Variants in FAM83E observed in about 807,000 individuals in gnomAD.
FAM83E encodes the protein protein FAM83E.
FAM83E carries 29 observed loss-of-function variants against 34.3 expected under a neutral mutation model. The observed-to-expected ratio is 0.85, with a 90% CI of 0.63 to 1.15. The LOEUF (loss-of-function observed/expected upper bound fraction) is 1.15. Ranked by LOEUF, FAM83E falls within the 50% of genes most tolerant of loss-of-function variation. FAM83E has a pLI of 0.00. For synonymous variants in FAM83E, 312 were observed against 311.6 expected, an observed-to-expected ratio of 1.00 and a Z score of -0.01; for missense variants, 697 against 685.0, an observed-to-expected ratio of 1.02 and a Z score of -0.20.
chr19:48,601,141 C>G lies in FAM83E; in HGVS notation c.1405G>C (p.Ala469Pro). 1 of 1,612,746 alleles carries G rather than the reference C, an allele frequency of 6.2e-7. No homozygotes were observed. The change falls in exon 7 of 7, where the codon GCC (alanine) becomes CCC (proline). Residue 469 changes from alanine to proline, a missense_variant. Transcript: ENST00000263266. Reference protein sequence around the residue: ...EPRGVRPSDWAPRAGLGGQP With the variant: ...EPRGVRPSDWPPRAGLGGQP ...TGCCCCCCAAGTCCTGCCCGGGGGG[C>G]CCAGTCTGACGGCCTGACGCCTCTG... is the stretch of plus-strand genomic sequence containing the variant.
At chr19:48,607,552 G>C in intron 5 of FAM83E, 1 of 682,594 alleles carries the variant, frequency 1.5e-6, no homozygotes, top group Non-Finnish European at 2.5e-6. Context: ...AGGGGAGCAC[G>C]GCCCGTGGGT....
At position 48,614,632 on chromosome 19, in the gene FAM83E, A is replaced by C; in HGVS notation, c.-1255-5T>G. 1.0e-6 allele frequency: 1 copy of C among 986,176 alleles called. No individual in the cohort carries two copies. The highest frequency in any genetic ancestry group is 1.7e-5 in the African/African-American group (1 of 57,382). The allele number at this position is 986,176 out of a possible 1,614,324, so 61.1% of individuals were successfully genotyped here. A position where few individuals can be genotyped will look rare whatever the true frequency, so the allele number is the denominator to read the frequency against. On this transcript the variant is annotated splice_region_variant and splice_polypyrimidine_tract_variant and intron_variant, in intron 2 of 6. Coordinates refer to ENST00000263266, the MANE Select transcript of FAM83E (RefSeq NM_017708.4). Reference sequence around the variant, plus strand: ...CCTCCAGACCACAGCAGGGAGCTGCAAAGAGAAGAAAGGAGTCAAGGCAGG... The same window carrying C: ...CCTCCAGACCACAGCAGGGAGCTGCCAAGAGAAGAAAGGAGTCAAGGCAGG...
chr19:48,610,022 G>A, intron 4 of FAM83E, 22 bp from the exon 5 acceptor site: 3 of 1,607,452 alleles, frequency 1.9e-6, no homozygotes, highest in South Asian at 1.1e-5. Flanking sequence ...GGGAGTGGAG[G>A]GTACACCCTT....
chr19:48,609,785 TG>T, intron 5 of FAM83E, 90 bp downstream of exon 5: 3 of 1,412,232 alleles, frequency 2.1e-6, no homozygotes, highest in Non-Finnish European at 2.9e-6. Flanking sequence ...AAGAGAGGCC[TG>T]GGCAAGGGGA....
chr19:48,609,786 G>A (rs1974006951), intron 5 of FAM83E, 90 bp downstream of exon 5: 1 of 1,415,684 alleles, frequency 7.1e-7, no homozygotes, highest in African/African-American at 1.4e-5. Flanking sequence ...AGAGAGGCCT[G>A]GGCAAGGGGA....
chr19:48,611,582 C>T (rs2147648457), intron 3 of FAM83E, among the ~76,000 whole-genome samples: 1 of 152,258 alleles, frequency 6.6e-6, no homozygotes, highest in South Asian at 2.1e-4. Context: ...GTTCTCCTGC[C>T]TCAGCCTCCA....
Position 48,610,827 on chromosome 19 carries a change from G to C in FAM83E, c.486C>G (p.Asp162Glu). The stretch of plus-strand genomic sequence containing the variant: ...AAAGCAGGTCTGGGTCAGTGAAGAC[G>C]TCCATGACCACGGCCACCAGCTGGG... ...AAHKLVAVVM[D>E]VFTDPDLLLD... The change falls in exon 4 of 7, where the codon GAC (aspartate) becomes GAG (glutamate). Residue 162 changes from aspartate (D) to glutamate (E), a missense_variant. Coordinates refer to ENST00000263266, the MANE Select transcript of FAM83E (RefSeq NM_017708.4). The C allele has an allele frequency of 6.3e-7, 1 of 1,595,174 alleles. No homozygotes were observed. Among genetic ancestry groups the C allele is most frequent in the Non-Finnish European group, 8.5e-7 (1 of 1,170,970 alleles).
chr19:48,611,605 T>C (rs376517692), intron 3 of FAM83E, among the ~76,000 whole-genome samples: 1 of 150,210 alleles, frequency 6.7e-6, no homozygotes. Context: ...GTAGCTGGGA[T>C]TACAGGCACC....
chr19:48,612,961 C>T lies in FAM83E; in HGVS notation c.412G>A (p.Gly138Ser), dbSNP rs1184379599. The T allele has an allele frequency of 1.9e-6, 3 of 1,597,576 alleles. No homozygotes were observed. Among genetic ancestry groups the T allele is most frequent in the Non-Finnish European group, 2.6e-6 (3 of 1,172,508 alleles). Residue 138 changes from glycine to serine, a missense_variant, in exon 3 of 7, where the codon GGT (glycine) becomes AGT (serine). Coordinates refer to ENST00000263266, the MANE Select transcript of FAM83E (RefSeq NM_017708.4). ...ACCAGCTCCTTGAGGGGCGGCTGACCCTCTCCAGGAGGCTGGGTGTACAGC... is the reference window on the plus strand; with the variant it reads ...ACCAGCTCCTTGAGGGGCGGCTGACTCTCTCCAGGAGGCTGGGTGTACAGC... Reference protein sequence around the residue: ...AQLYTQPPGEGQPPLKELVRL... With the variant: ...AQLYTQPPGESQPPLKELVRL...
chr19:48,612,787 C>A (rs888465294), intron 3 of FAM83E, 121 bp downstream of exon 3: 27 of 1,193,798 alleles, frequency 2.3e-5, no homozygotes, highest in Non-Finnish European at 2.9e-5. Context: ...TCCTGGGTCC[C>A]AGGGGTATAG....
At chr19:48,610,947 G>A in intron 3 of FAM83E, 100 bp from the exon 4 acceptor site, 3 of 1,235,758 alleles carry the variant, frequency 2.4e-6, no homozygotes, top group Non-Finnish European at 3.4e-6. Flanking sequence ...TGGGAGTAAA[G>A]TGCTCTGGGG....
At position 48,615,032 on chromosome 19, in the gene FAM83E, C is replaced by T. The variant is rs996320400; in HGVS notation, c.-1483G>A. On this transcript the variant is annotated 5_prime_UTR_variant, in exon 1 of 7. Transcript: ENST00000263266. Reference sequence around the variant, plus strand: ...TCACCTGTTCCCAGGCAGTCTCTCCCTCCCCACAGCCCTGCCAGCCTGCAC... The same window carrying T: ...TCACCTGTTCCCAGGCAGTCTCTCCTTCCCCACAGCCCTGCCAGCCTGCAC... Among the ~76,000 whole-genome samples, 9 of 152,162 alleles carry T rather than the reference C, an allele frequency of 5.9e-5. No homozygotes were observed. Among genetic ancestry groups the T allele is most frequent in the African/African-American group, 2.2e-4 (9 of 41,450 alleles).
rs1974092135 is a variant in FAM83E at position 48,613,618 on chromosome 19, C to G, written c.-246G>C. 4 of 1,360,212 alleles carry G rather than the reference C, an allele frequency of 2.9e-6. No homozygotes were observed. Among genetic ancestry groups the G allele is most frequent in the Non-Finnish European group, 9.4e-7 (1 of 1,059,084 alleles). The allele number at this position is 1,360,212 out of a possible 1,614,324, so 84.3% of individuals were successfully genotyped here. ...TGTGTCAGGCCACTCAGATCCGCCA[C>G]CTGCCTGCACCCAGTGGCACCATGC... On this transcript the variant is annotated 5_prime_UTR_variant, in exon 3 of 7. Coordinates refer to ENST00000263266, the MANE Select transcript of FAM83E (RefSeq NM_017708.4).
At chr19:48,614,686 C>CCCCCCCACCCGCACCCAT in intron 2 of FAM83E, 22 bp downstream of exon 2, 1 of 649,652 alleles carries the variant, frequency 1.5e-6, no homozygotes, top group Non-Finnish European at 1.9e-6. Flanking sequence ...CCTCACCCAT[C>CCCCCCCACCCGCACCCAT]CCCCCCATCG....
chr19:48,606,745 C>A, intron 5 of FAM83E: 1 of 572,474 alleles, frequency 1.7e-6, no homozygotes, highest in Non-Finnish European at 3.1e-6. Flanking sequence ...ATCACTCATT[C>A]CATTCACAGA....
At position 48,613,357 on chromosome 19, in the gene FAM83E, GCTGGGAGGCCGCCAT is replaced by G; in HGVS notation, c.1_15del (p.MetAlaAlaSerGln1_?5). The G allele has an allele frequency of 6.4e-7, 1 of 1,566,724 alleles. No homozygotes were observed. The highest frequency in any genetic ancestry group is 8.6e-7 in the Non-Finnish European group (1 of 1,156,836). On this transcript the variant is annotated start_lost and inframe_deletion, in exon 3 of 7. Transcript: ENST00000263266. ...GAGTCCACTCCTTCCAGCGCCGCCAGCTGGGAGGCCGCCATCGGGGTCACTCGGGTGGGAGGACTG... is the reference window on the plus strand; with the variant it reads ...GAGTCCACTCCTTCCAGCGCCGCCAGCGGGGTCACTCGGGTGGGAGGACTG...
At chr19:48,609,346 C>T (rs1271544554) in intron 5 of FAM83E, among the ~76,000 whole-genome samples, 7 of 139,436 alleles carry the variant, frequency 5.0e-5, no homozygotes, top group African/African-American at 1.6e-4. Flanking sequence ...AGCGCGATCT[C>T]GGCTCACTGC....
In FAM83E at chr19:48,603,015, C is replaced by A. The variant is rs184401732; in HGVS notation, c.1176+479G>T. On this transcript the variant is annotated intron_variant, in intron 6 of 6. Coordinates refer to ENST00000263266, the MANE Select transcript of FAM83E (RefSeq NM_017708.4). ...TACAGGTGTGCACCAACACACCCAG[C>A]GAATTTTTTTGTATTTTTAGTAGAG... Among the ~76,000 whole-genome samples, 658 of 151,136 alleles carry A rather than the reference C, an allele frequency of 4.4e-3. 8 individuals carry two copies. Among genetic ancestry groups the A allele is most frequent in the African/African-American group, 0.015 (609 of 41,114 alleles).
At chr19:48,610,567 CCATCCCTGCTAG>C in intron 4 of FAM83E, 101 bp downstream of exon 4, 1 of 1,269,064 alleles carries the variant, frequency 7.9e-7, no homozygotes, top group African/African-American at 1.5e-5. Context: ...TCCCAGGGGA[CCATCCCTGCTAG>C]CATCCATCTC....
Sources: allele counts gnomAD v4.1 joint callset (sites outside exome capture counted in the v4.1 genomes callset), GRCh38; gene constraint gnomAD v4.1.1; transcripts MANE v1.5; gene names NCBI Gene and HGNC (gene_info 2026-07-23, HGNC 2026-07-21).